Variants in GRM1 observed in about 807,000 individuals in gnomAD.
GRM1 encodes the protein metabotropic glutamate receptor 1.
In GRM1, 33 loss-of-function variants were observed where a neutral mutation model predicts 90.9. That is an observed-to-expected ratio of 0.36 (90% CI 0.28 to 0.49). GRM1 has a LOEUF of 0.49. Ranked by LOEUF, GRM1 falls within the 20% of genes least tolerant of loss-of-function variation. The probability of loss-of-function intolerance (pLI) is 0.99; values close to 1 mark genes in which losing one functional copy is unlikely to be tolerated. For synonymous variants in GRM1, 700 were observed against 613.2 expected (o/e 1.14, Z -2.09); for missense variants, 1,190 against 1,534.3 (o/e 0.78, Z 3.75).
intron 2 of GRM1, among the ~76,000 whole-genome samples, chr6:146,277,539 C>T (rs1001321150): frequency 6.6e-6 from 1 of 152,180 alleles, no homozygotes; most frequent in Non-Finnish European, 1.5e-5. Context: ...GAGCGAGTTC[C>T]CCTGGCTTAC....
chr6:146,036,944 T>A (rs1790912516), intron 1 of GRM1, among the ~76,000 whole-genome samples: 1 of 151,926 alleles, frequency 6.6e-6, no homozygotes. Flanking sequence ...ACTACTAATA[T>A]TTGTTGGAAG....
At chr6:146,075,669 G>C (rs1442683101) in intron 1 of GRM1, among the ~76,000 whole-genome samples, 1 of 152,138 alleles carries the variant, frequency 6.6e-6, no homozygotes, top group East Asian at 1.9e-4. Flanking sequence ...AGTTGTGTAG[G>C]CTAGAAGTCT....
intron 1 of GRM1, among the ~76,000 whole-genome samples, chr6:146,063,766 A>G (rs1165311044): frequency 1.3e-5 from 2 of 152,130 alleles, no homozygotes; most frequent in Admixed American, 1.3e-4. Flanking sequence ...ATGAATCCAT[A>G]TGGTAGCTCT....
At position 146,029,424 on chromosome 6, in the gene GRM1, C is replaced by A. The variant is rs567346969; in HGVS notation, c.-94C>A. ...GCGAGGGGCACCACTCCGGGAGAGG[C>A]GGCGCTGGGCGTCTTGGGGGTGCGC... On this transcript the variant is annotated 5_prime_UTR_variant, in exon 1 of 8. Coordinates refer to ENST00000282753, the MANE Select transcript of GRM1 (RefSeq NM_001278064.2). The A allele has an allele frequency of 4.1e-6, 4 of 970,998 alleles. No homozygotes were observed. In the East Asian group the frequency reaches 7.2e-5, roughly 17 times the overall value. The allele number at this position is 970,998 out of a possible 1,614,324, so 60.1% of individuals were successfully genotyped here. A position where few individuals can be genotyped will look rare whatever the true frequency, so the allele number is the denominator to read the frequency against.
chr6:146,301,279 G>C (rs938007208), intron 2 of GRM1, among the ~76,000 whole-genome samples: 5 of 152,158 alleles, frequency 3.3e-5, no homozygotes, highest in Non-Finnish European at 7.4e-5. Flanking sequence ...TCTTTAACTA[G>C]TGGTTAAGGA....
chr6:146,092,090 T>A (rs911457585), intron 1 of GRM1, among the ~76,000 whole-genome samples: 2 of 152,066 alleles, frequency 1.3e-5, no homozygotes, highest in African/African-American at 4.8e-5. Context: ...AATACCGTAG[T>A]TTGGGTGGCT....
chr6:146,159,916 TAAA>T (rs566531460), intron 2 of GRM1: 113 of 66,244 alleles, frequency 1.7e-3, no homozygotes, highest in Middle Eastern at 9.8e-3. Flanking sequence ...ACCTTAACTA[TAAA>T]AAAAAAAAAA....
intron 2 of GRM1, among the ~76,000 whole-genome samples, chr6:146,258,306 G>T (rs1781563752): frequency 6.6e-6 from 1 of 152,032 alleles, no homozygotes; most frequent in Admixed American, 6.6e-5. Context: ...GTGCCTATAT[G>T]CACATGACTG....
chr6:146,156,680 C>G (rs1777539430), intron 1 of GRM1, among the ~76,000 whole-genome samples: 1 of 152,206 alleles, frequency 6.6e-6, no homozygotes, highest in Non-Finnish European at 1.5e-5. Flanking sequence ...CAATAAATTA[C>G]TTGAACAATA....
At chr6:146,074,458 A>T (rs910651410) in intron 1 of GRM1, among the ~76,000 whole-genome samples, 8 of 152,104 alleles carry the variant, frequency 5.3e-5, no homozygotes, top group African/African-American at 1.7e-4. Flanking sequence ...TCAAATTCAG[A>T]GTCACGAATC....
intron 2 of GRM1, among the ~76,000 whole-genome samples, chr6:146,285,986 G>A (rs1782754551): frequency 6.6e-6 from 1 of 151,920 alleles, no homozygotes; most frequent in South Asian, 2.1e-4. Context: ...TTTTTGCATG[G>A]AGTTGAAACT....
At chr6:146,173,294 G>T (rs1364248108) in intron 2 of GRM1, among the ~76,000 whole-genome samples, 1 of 151,534 alleles carries the variant, frequency 6.6e-6, no homozygotes, top group African/African-American at 2.4e-5. Flanking sequence ...GGAGGCTGAG[G>T]CAGGAGAATC....
At chr6:146,063,983 A>T (rs1203022951) in intron 1 of GRM1, among the ~76,000 whole-genome samples, 1 of 152,204 alleles carries the variant, frequency 6.6e-6, no homozygotes, top group Non-Finnish European at 1.5e-5. Context: ...TTGCATTATA[A>T]CTTTTGACTT....
At chr6:146,088,978 C>T (rs747917339) in intron 1 of GRM1, among the ~76,000 whole-genome samples, 27 of 152,096 alleles carry the variant, frequency 1.8e-4, no homozygotes, top group Non-Finnish European at 4.0e-4. Context: ...CCCATGATGG[C>T]CATTCTTGAT....
At chr6:146,337,976 G>A (rs1270725448) in intron 3 of GRM1, among the ~76,000 whole-genome samples, 1 of 152,110 alleles carries the variant, frequency 6.6e-6, no homozygotes, top group Non-Finnish European at 1.5e-5. Flanking sequence ...GCAGCTGATG[G>A]TAAAATACAT....
chr6:146,303,554 C>T (rs1456353495), intron 2 of GRM1, among the ~76,000 whole-genome samples: 1 of 152,152 alleles, frequency 6.6e-6, no homozygotes, highest in Non-Finnish European at 1.5e-5. Context: ...GACCTGACAG[C>T]CATCCCTTTA....
At chr6:146,340,892 T>C (rs1339580685) in intron 3 of GRM1, among the ~76,000 whole-genome samples, 2 of 152,186 alleles carry the variant, frequency 1.3e-5, no homozygotes, top group Non-Finnish European at 2.9e-5. Flanking sequence ...GTCCTCTTAT[T>C]GAGAAGGTTG....
chr6:146,112,180 A>T (rs1236451816), intron 1 of GRM1, among the ~76,000 whole-genome samples: 2 of 152,154 alleles, frequency 1.3e-5, no homozygotes, highest in Non-Finnish European at 2.9e-5. Context: ...GTCTGTAATA[A>T]CAACTTGCAC....
At chr6:146,120,216 G>A (rs1214988019) in intron 1 of GRM1, among the ~76,000 whole-genome samples, 1 of 152,146 alleles carries the variant, frequency 6.6e-6, no homozygotes, top group African/African-American at 2.4e-5. Flanking sequence ...GTGAATGGGA[G>A]TTCACTCATG....
Sources: allele counts gnomAD v4.1 joint callset (sites outside exome capture counted in the v4.1 genomes callset), GRCh38; gene constraint gnomAD v4.1.1; transcripts MANE v1.5; gene names NCBI Gene and HGNC (gene_info 2026-07-23, HGNC 2026-07-21).